The following PLCZ1 variants were observed in gnomAD, a reference collection of about 807,000 sequenced individuals.
The protein encoded by PLCZ1 is 1-phosphatidylinositol 4,5-bisphosphate phosphodiesterase zeta-1.
In PLCZ1, 64 loss-of-function variants were observed where a neutral mutation model predicts 76.8. The ratio of observed to expected loss-of-function variants is 0.83; its 90% CI spans 0.68 to 1.03. PLCZ1 has a LOEUF of 1.03. Ranked by LOEUF, PLCZ1 falls within the 50% of genes least tolerant of loss-of-function variation. The probability of loss-of-function intolerance (pLI) is 0.00; values close to 1 mark genes in which losing one functional copy is unlikely to be tolerated. For synonymous variants in PLCZ1, 248 were observed against 230.8 expected (o/e 1.07, Z -0.68); for missense variants, 751 against 713.7 (o/e 1.05, Z -0.60).
chr12:18,663,319 G>A, the PLCZ1 span, among the ~76,000 whole-genome samples: 1 of 152,066 alleles, frequency 6.6e-6, no homozygotes, highest in Non-Finnish European at 1.5e-5. Context: ...CCTGTTTTTA[G>A]AAAACCATGA....
intron 3 of PLCZ1, among the ~76,000 whole-genome samples, chr12:18,734,143 G>A (rs1005643296): frequency 1.3e-5 from 2 of 152,126 alleles, no homozygotes; most frequent in South Asian, 4.1e-4. Context: ...GTGGTTTACA[G>A]TTTTGGTGTG....
the PLCZ1 span, chr12:18,648,017 A>C: frequency 6.3e-7 from 1 of 1,591,856 alleles, no homozygotes; most frequent in Non-Finnish European, 8.6e-7. Context: ...ATTAGGAAAC[A>C]GTATAATTTG....
intron 4 of PLCZ1, among the ~76,000 whole-genome samples, chr12:18,722,408 T>C (rs746986794): frequency 6.6e-6 from 1 of 152,100 alleles, no homozygotes; most frequent in Non-Finnish European, 1.5e-5. Context: ...TATGAATGTA[T>C]GATCCAATGC....
chr12:18,703,194 A>G (rs905050185), intron 7 of PLCZ1, among the ~76,000 whole-genome samples: 2 of 152,134 alleles, frequency 1.3e-5, no homozygotes, highest in Non-Finnish European at 2.9e-5. Flanking sequence ...TCTTTCCACC[A>G]CAATTGAACA....
At chr12:18,734,129 A>G (rs1393364963) in intron 3 of PLCZ1, among the ~76,000 whole-genome samples, 2 of 152,114 alleles carry the variant, frequency 1.3e-5, no homozygotes, top group Non-Finnish European at 2.9e-5. Context: ...AGTTTATTTC[A>G]TCAGTGGTTT....
chr12:18,665,064 G>A, the PLCZ1 span, among the ~76,000 whole-genome samples: 1 of 150,230 alleles, frequency 6.7e-6, no homozygotes, highest in African/African-American at 2.5e-5. Context: ...GCTAAATGAC[G>A]AGTTGATGGG....
At chr12:18,724,396 A>G (rs1182889184) in intron 3 of PLCZ1, among the ~76,000 whole-genome samples, 2 of 152,162 alleles carry the variant, frequency 1.3e-5, no homozygotes, top group Non-Finnish European at 2.9e-5. Context: ...CTATAGTATC[A>G]CTAACAAATA....
chr12:18,691,161 C>T (rs1015220745), intron 12 of PLCZ1, among the ~76,000 whole-genome samples: 3 of 152,030 alleles, frequency 2.0e-5, no homozygotes, highest in East Asian at 1.9e-4. Flanking sequence ...CAGAATTTAA[C>T]GTTGGTCTGG....
chr12:18,651,765 G>A, the PLCZ1 span, among the ~76,000 whole-genome samples: 25 of 152,290 alleles, frequency 1.6e-4, no homozygotes, highest in Non-Finnish European at 2.9e-4. Flanking sequence ...ATAACCAAGG[G>A]AAGGCTCCTT....
chr12:18,724,298 A>C (rs142599153), intron 3 of PLCZ1, among the ~76,000 whole-genome samples: 28 of 152,254 alleles, frequency 1.8e-4, no homozygotes, highest in African/African-American at 6.5e-4. Flanking sequence ...AAGAATTCAG[A>C]AGAATTCGAC....
chr12:18,707,996 C>T (rs12831072), intron 6 of PLCZ1, among the ~76,000 whole-genome samples: 65,328 of 152,036 alleles, frequency 0.43, 16,668 homozygotes, highest in South Asian at 0.6. Context: ...TTCACAGTTA[C>T]CCTTTTTAAA....
intron 10 of PLCZ1, among the ~76,000 whole-genome samples, chr12:18,698,872 T>A (rs1006204643): frequency 7.2e-5 from 11 of 152,154 alleles, no homozygotes; most frequent in Non-Finnish European, 1.5e-4. Context: ...TATGTCTTAT[T>A]CATTCTAACT....
At chr12:18,728,727 G>T (rs1361622574) in intron 3 of PLCZ1, among the ~76,000 whole-genome samples, 1 of 152,152 alleles carries the variant, frequency 6.6e-6, no homozygotes, top group Non-Finnish European at 1.5e-5. Context: ...TTCGAGATAG[G>T]TATGAAAGCA....
intron 6 of PLCZ1, among the ~76,000 whole-genome samples, chr12:18,709,890 T>G (rs752022502): frequency 1.3e-5 from 2 of 152,098 alleles, no homozygotes; most frequent in Non-Finnish European, 2.9e-5. Context: ...TTGGTTAAAT[T>G]TATTCCTAGA....
intron 12 of PLCZ1, among the ~76,000 whole-genome samples, chr12:18,689,300 T>C (rs896690009): frequency 6.6e-6 from 1 of 152,150 alleles, no homozygotes; most frequent in African/African-American, 2.4e-5. Flanking sequence ...TATCTAATTT[T>C]GAAAAACATA....
At chr12:18,658,988 T>C in the PLCZ1 span, among the ~76,000 whole-genome samples, 6 of 152,278 alleles carry the variant, frequency 3.9e-5, no homozygotes, top group African/African-American at 7.2e-5. Context: ...AAGGAATAAC[T>C]CATGCTCTAT....
chr12:18,708,210 TTATC>T (rs1247965330), intron 6 of PLCZ1, among the ~76,000 whole-genome samples: 1 of 152,192 alleles, frequency 6.6e-6, no homozygotes, highest in African/African-American at 2.4e-5. Context: ...CACTGTTTGG[TTATC>T]TATCTCTGTA....
At chr12:18,694,863 G>A (rs772502611) in intron 12 of PLCZ1, 47 bp downstream of exon 12, 77 of 1,416,256 alleles carry the variant, frequency 5.4e-5, no homozygotes, top group Non-Finnish European at 7.2e-5. Context: ...ACACTATCTA[G>A]TTTATATAAT....
chr12:18,665,145 C>T, the PLCZ1 span, among the ~76,000 whole-genome samples: 41 of 150,284 alleles, frequency 2.7e-4, no homozygotes, highest in African/African-American at 9.6e-4. Flanking sequence ...TACCCTAAAA[C>T]TTAAAGCATA....
Sources: allele counts gnomAD v4.1 joint callset (sites outside exome capture counted in the v4.1 genomes callset), GRCh38; gene constraint gnomAD v4.1.1; transcripts MANE v1.5; gene names NCBI Gene and HGNC (gene_info 2026-07-23, HGNC 2026-07-21).